LRBA: variants seen among roughly 807,000 people sequenced by gnomAD.
LRBA encodes the protein LPS responsive beige-like anchor protein, also known as lipopolysaccharide-responsive and beige-like anchor protein.
A neutral mutation model predicts 330.0 loss-of-function variants in LRBA; 176 were observed. The observed-to-expected ratio is 0.53, with a 90% CI of 0.47 to 0.60. The LOEUF is 0.60. Ranked by LOEUF, LRBA falls within the 20% of genes least tolerant of loss-of-function variation. The pLI is 0.00. For missense variants in LRBA, 3,259 were observed against 3,444.8 expected, an observed-to-expected ratio of 0.95 and a Z score of 1.35; for synonymous variants, 1,230 against 1,193.0, an observed-to-expected ratio of 1.03 and a Z score of -0.64.
intron 26 of LRBA, among the ~76,000 whole-genome samples, chr4:150,846,587 G>C (rs1025123487): frequency 6.6e-6 from 1 of 151,500 alleles, no homozygotes; most frequent in African/African-American, 2.4e-5. Flanking sequence ...AGGGGGTGAG[G>C]GGGGTCTGAT....
intron 47 of LRBA, among the ~76,000 whole-genome samples, chr4:150,383,646 G>A (rs1314131641): frequency 1.3e-5 from 2 of 152,216 alleles, no homozygotes; most frequent in African/African-American, 2.4e-5. Context: ...GTATCATATC[G>A]CTCTTGTGTG....
At chr4:150,992,551 T>G (rs957095686) in intron 2 of LRBA, among the ~76,000 whole-genome samples, 4 of 152,174 alleles carry the variant, frequency 2.6e-5, no homozygotes, top group Admixed American at 6.5e-5. Flanking sequence ...TATGGAGGTA[T>G]AGAATGACTG....
chr4:150,509,568 C>A (rs1387842264), intron 40 of LRBA, among the ~76,000 whole-genome samples: 21 of 141,970 alleles, frequency 1.5e-4, no homozygotes, highest in African/African-American at 2.7e-4. Context: ...AATAGAAAAC[C>A]AAAAAAAAAA....
rs575116790 is a variant in LRBA, at chr4:150,780,799, T to C, written c.5580+17282A>G. On this transcript the variant is annotated intron_variant, in intron 34 of 56. Coordinates refer to ENST00000651943, the MANE Select transcript of LRBA (RefSeq NM_001364905.1). ...GACCAGTTTCATGGAAGACAATTTT[T>C]CCACAGACAAGGGGGTGAGGGGGGG... Among the ~76,000 whole-genome samples the C allele has an allele frequency of 2.7e-3, 413 of 151,314 alleles. 4 individuals carry two copies. Among genetic ancestry groups the C allele is most frequent in the Middle Eastern group, 0.021 (6 of 292 alleles).
chr4:150,988,999 T>G (rs1299199012), intron 2 of LRBA, among the ~76,000 whole-genome samples: 2 of 151,794 alleles, frequency 1.3e-5, no homozygotes. Context: ...TGTTTGTTTT[T>G]TTGTTGTTGT....
At chr4:150,717,033 G>A (rs1014113377) in intron 36 of LRBA, among the ~76,000 whole-genome samples, 10 of 152,106 alleles carry the variant, frequency 6.6e-5, no homozygotes, top group African/African-American at 2.2e-4. Context: ...AATAGATGAC[G>A]TTAGGCCACA....
chr4:150,877,019 C>T (rs1490807604), intron 17 of LRBA, among the ~76,000 whole-genome samples: 1 of 151,856 alleles, frequency 6.6e-6, no homozygotes, highest in Non-Finnish European at 1.5e-5. Context: ...TTTGGGAGGC[C>T]GAGGCAGGAG....
chr4:150,385,086 G>C (rs1742863266), intron 47 of LRBA, among the ~76,000 whole-genome samples: 1 of 152,088 alleles, frequency 6.6e-6, no homozygotes, highest in Admixed American at 6.5e-5. Context: ...TTCAGAGAAA[G>C]TTAGTTTGAA....
chr4:150,877,528 AAAC>A (rs1452680656), intron 17 of LRBA, among the ~76,000 whole-genome samples: 2 of 152,246 alleles, frequency 1.3e-5, no homozygotes, highest in Non-Finnish European at 2.9e-5. Context: ...CAGATATATA[AAAC>A]AACGACTACG....
chr4:150,980,246 C>T (rs752579844), intron 2 of LRBA, among the ~76,000 whole-genome samples: 20 of 152,014 alleles, frequency 1.3e-4, no homozygotes, highest in Non-Finnish European at 2.6e-4. Context: ...TCAACTGATG[C>T]TGAAAAAGCA....
At chr4:150,369,717 A>T (rs1402583484) in intron 47 of LRBA, among the ~76,000 whole-genome samples, 2 of 152,290 alleles carry the variant, frequency 1.3e-5, no homozygotes, top group Non-Finnish European at 2.9e-5. Context: ...TATAAAAAAG[A>T]AAATATAAAT....
intron 26 of LRBA, 107 bp downstream of exon 26, chr4:150,848,711 G>A (rs2126904225): frequency 1.2e-6 from 1 of 851,048 alleles, no homozygotes; most frequent in East Asian, 2.5e-5. Flanking sequence ...TGACAAATTA[G>A]CTAACATATA....
chr4:150,499,265 T>C (rs1297695824), intron 40 of LRBA, among the ~76,000 whole-genome samples: 1 of 152,224 alleles, frequency 6.6e-6, no homozygotes, highest in Non-Finnish European at 1.5e-5. Flanking sequence ...TTATAATTTT[T>C]TCATTTAGAT....
chr4:150,498,344 C>T lies in LRBA; in HGVS notation c.6331-7309G>A, dbSNP rs1030658924. On this transcript the variant is annotated intron_variant, in intron 40 of 56. Transcript: ENST00000651943. ...CATTCTAAATGATGCATCTTAAAAG[C>T]CATCTCTTATTCAACTAGCATTAAA... is the stretch of plus-strand genomic sequence containing the variant. Among the ~76,000 whole-genome samples the T allele has an allele frequency of 1.3e-4, 20 of 152,200 alleles. 1 individual carries two copies. The highest frequency in any genetic ancestry group is 2.6e-4 in the Non-Finnish European group (18 of 68,008).
Position 150,599,120 on chromosome 4 carries a change from T to C in LRBA, c.5933A>G (p.Glu1978Gly), listed in dbSNP as rs781503296. 3 of 1,613,684 alleles carry C rather than the reference T, an allele frequency of 1.9e-6. No individual in the cohort carries two copies. The African/African-American group carries it at 4.0e-5, about 22-fold the overall frequency. Residue 1978 changes from glutamate to glycine, a missense_variant, in exon 38 of 57, where the codon GAG becomes GGG. Glu to Gly is a moderately conservative substitution (Grantham distance 98). Transcript: ENST00000651943. ...WGNSAVSRPL[E>G]FWRLDYWEDD... is the part of the protein sequence containing the mutation. ...TTCCCAGTAGTCAAGGCGCCAGAAC[T>C]CAAGAGGACGACTACAATGAAACAG...
Position 150,471,743 on chromosome 4 carries a change from C to T in LRBA, c.6552-4G>A, listed in dbSNP as rs1340873781. 2.2e-6 allele frequency: 3 copies of T among 1,335,414 alleles called. No homozygotes were observed. The highest frequency in any genetic ancestry group is 1.5e-5 in the African/African-American group (1 of 68,692). 82.7% of individuals were successfully genotyped at this position (1,335,414 alleles called of 1,614,324 possible). A position where few individuals can be genotyped will look rare whatever the true frequency, so the allele number is the denominator to read the frequency against. ...TGGACTAGCTAATGAAATACGTCTG[C>T]AAGAAAAAGAATTCAATGTGATATG... is the stretch of plus-strand genomic sequence containing the variant. On this transcript the variant is annotated splice_region_variant and splice_polypyrimidine_tract_variant and intron_variant, in intron 42 of 56. Coordinates refer to ENST00000651943, the MANE Select transcript of LRBA (RefSeq NM_001364905.1).
chr4:150,302,880 A>G, intron 52 of LRBA, 88 bp from the exon 53 acceptor site: 1 of 840,002 alleles, frequency 1.2e-6, no homozygotes, highest in Non-Finnish European at 1.8e-6. Context: ...ACGAAGCTAT[A>G]TGAACTCTGA....
intron 42 of LRBA, among the ~76,000 whole-genome samples, chr4:150,482,988 T>C (rs897525509): frequency 6.6e-6 from 1 of 152,016 alleles, no homozygotes; most frequent in Non-Finnish European, 1.5e-5. Context: ...TTCTTAAGAG[T>C]TGGCATTTCA....
chr4:150,990,837 G>C (rs940429192), intron 2 of LRBA, among the ~76,000 whole-genome samples: 1 of 152,062 alleles, frequency 6.6e-6, no homozygotes, highest in African/African-American at 2.4e-5. Flanking sequence ...TGGCCAACAC[G>C]GCAAAACTCT....
Sources: allele counts gnomAD v4.1 joint callset (sites outside exome capture counted in the v4.1 genomes callset), GRCh38; gene constraint gnomAD v4.1.1; transcripts MANE v1.5; gene names NCBI Gene and HGNC (gene_info 2026-07-23, HGNC 2026-07-21).